Variants in TRPV1 observed in about 807,000 individuals in gnomAD.
The protein encoded by TRPV1 is OTRPC1.
In TRPV1, 82 loss-of-function variants were observed where a neutral mutation model predicts 82.3. The observed-to-expected ratio is 1.00, with a 90% CI of 0.83 to 1.20. TRPV1 has a LOEUF of 1.20. Ranked by LOEUF, TRPV1 falls within the 50% of genes most tolerant of loss-of-function variation. The pLI is 0.00. For synonymous variants in TRPV1, 515 were observed against 467.7 expected (o/e 1.10, Z -1.30); for missense variants, 1,067 against 1,096.8 (o/e 0.97, Z 0.38).
Position 3,577,777 on chromosome 17 carries a change from G to A in TRPV1, c.1548-14C>T, listed in dbSNP as rs1221093482. The stretch of plus-strand genomic sequence containing the variant: ...GACTGCAGAAAGCTGCGGGTGGAGG[G>A]GCAGAAAGCTCCGTCTACGGGAACC... On this transcript the variant is annotated splice_polypyrimidine_tract_variant and intron_variant, in intron 11 of 16. Coordinates refer to ENST00000572705, the MANE Select transcript of TRPV1 (RefSeq NM_080704.4). 5.7e-6 allele frequency: 9 copies of A among 1,583,924 alleles called. No individual in the cohort carries two copies. The South Asian group carries it at 8.1e-5, about 14-fold the overall frequency.
At chr17:3,584,786 A>T (rs1365975756) in intron 9 of TRPV1, among the ~76,000 whole-genome samples, 1 of 152,146 alleles carries the variant, frequency 6.6e-6, no homozygotes, top group East Asian at 1.9e-4. Flanking sequence ...ATAGAGCGAG[A>T]CTCCATCTCA....
intron 14 of TRPV1, among the ~76,000 whole-genome samples, chr17:3,572,876 G>A (rs1567658548): frequency 6.7e-6 from 1 of 150,212 alleles, no homozygotes; most frequent in Non-Finnish European, 1.5e-5. Flanking sequence ...CCAGCTACTA[G>A]GGAGGCTGAG....
intron 7 of TRPV1, chr17:3,588,826 A>AAAAAC: frequency 2.4e-6 from 3 of 1,275,992 alleles, no homozygotes; most frequent in Admixed American, 2.6e-5. Context: ...AAAAAAAAAA[A>AAAAAC]AAAACAAAAC....
rs574274012 is a variant in TRPV1 at position 3,581,745 on chromosome 17, C to T, written c.1477-1218G>A. ...ACTAAAAATACAAAAATTAGCCGGG[C>T]GCGGTGGCACGCACCTGTAGTCCCA... On this transcript the variant is annotated intron_variant, in intron 10 of 16. Transcript: ENST00000572705. 4.1e-5 allele frequency among the ~76,000 whole-genome samples: 6 copies of T among 145,048 alleles called. No individual in the cohort carries two copies. In the South Asian group the frequency reaches 6.8e-4, roughly 17 times the overall value.
intron 2 of TRPV1, among the ~76,000 whole-genome samples, chr17:3,604,893 C>T (rs1223795554): frequency 6.6e-6 from 1 of 152,144 alleles, no homozygotes; most frequent in Non-Finnish European, 1.5e-5. Context: ...CCTCCAAACC[C>T]CACTGTCTAC....
chr17:3,574,740 G>A (rs1371787315), intron 13 of TRPV1, among the ~76,000 whole-genome samples: 1 of 152,050 alleles, frequency 6.6e-6, no homozygotes, highest in East Asian at 1.9e-4. Context: ...CCTGAGGTCA[G>A]GAGTTTGAGA....
rs1199405347 is a variant in TRPV1, at chr17:3,565,671, C to T, written c.*1144G>A. ...AGGAAGGATGAAGAAGGCACTGCTG[C>T]AACAGCTTGATTCTGCCAGAGCTGG... On this transcript the variant is annotated 3_prime_UTR_variant, in exon 17 of 17. Transcript: ENST00000572705. 1.3e-5 allele frequency: 2 copies of T among 152,260 alleles called. No homozygotes were observed. The highest frequency in any genetic ancestry group is 2.9e-5 in the Non-Finnish European group (2 of 68,088). 9.4% of individuals were successfully genotyped at this position (152,260 alleles called of 1,614,324 possible).
At position 3,585,866 on chromosome 17, in the gene TRPV1, T is replaced by C. The variant is rs2075078656; in HGVS notation, c.1285A>G (p.Arg429Gly). ...AAGTAGAAGATGCGCTTGACGAATC[T>C]GTCCCACTTGTCCTGCAGGAGTCGG... ...LNRLLQDKWD[R>G]FVKRIFYFNF... Residue 429 changes from arginine to glycine, a missense_variant, in exon 9 of 17, where the codon AGA (arginine) becomes GGA (glycine). Arg to Gly is a moderately radical substitution (Grantham distance 125). Coordinates refer to ENST00000572705, the MANE Select transcript of TRPV1 (RefSeq NM_080704.4). The C allele has an allele frequency of 2.5e-6, 4 of 1,613,994 alleles. No individual in the cohort carries two copies. Among genetic ancestry groups the C allele is most frequent in the Non-Finnish European group, 3.4e-6 (4 of 1,179,884 alleles).
At chr17:3,588,927 C>T in intron 7 of TRPV1, 1 of 1,535,828 alleles carries the variant, frequency 6.5e-7, no homozygotes, top group Non-Finnish European at 8.7e-7. Context: ...GCTCTACCAT[C>T]TCACCATGAA....
intron 2 of TRPV1, among the ~76,000 whole-genome samples, chr17:3,607,867 A>T (rs1316230669): frequency 6.6e-6 from 1 of 152,162 alleles, no homozygotes; most frequent in Non-Finnish European, 1.5e-5. Flanking sequence ...ATACACTCTA[A>T]TAAAAGTTAT....
At chr17:3,592,037 C>G in intron 3 of TRPV1, 30 bp downstream of exon 3, 1 of 1,598,346 alleles carries the variant, frequency 6.3e-7, no homozygotes. Flanking sequence ...GGGCTCCCAG[C>G]AGGGAGGGGG....
rs1010235287 is a variant in TRPV1 at position 3,592,301 on chromosome 17, T to C, written c.50A>G (p.Gln17Arg). 1 of 1,601,772 alleles carries C rather than the reference T, an allele frequency of 6.2e-7. No individual in the cohort carries two copies. Among genetic ancestry groups the C allele is most frequent in the Non-Finnish European group, 8.5e-7 (1 of 1,174,066 alleles). The change falls in exon 3 of 17, where the codon CAA becomes CGA. Residue 17 changes from glutamine to arginine, a missense_variant. Physicochemically the swap from Gln to Arg is conservative, Grantham distance 43. Transcript: ENST00000572705. Reference sequence around the variant, plus strand: ...CAGGGGGTCTGGGCAGGTGTCCTTTTGGAGTGGGTCCGCAGCTGCCCCCAA... The same window carrying C: ...CAGGGGGTCTGGGCAGGTGTCCTTTCGGAGTGGGTCCGCAGCTGCCCCCAA... ...TDLGAAADPL[Q>R]KDTCPDPLDG...
chr17:3,589,241 C>G (rs2075123342), intron 7 of TRPV1, among the ~76,000 whole-genome samples: 1 of 141,570 alleles, frequency 7.1e-6, no homozygotes, highest in Non-Finnish European at 1.5e-5. Context: ...GAGTCTTGCT[C>G]TGTCACACAG....
At chr17:3,603,800 C>T (rs1169182069) in intron 2 of TRPV1, among the ~76,000 whole-genome samples, 5 of 152,202 alleles carry the variant, frequency 3.3e-5, no homozygotes, top group African/African-American at 1.2e-4. Context: ...TCAGGACTCT[C>T]CCACTTTCAA....
chr17:3,577,077 C>T, intron 13 of TRPV1, 49 bp downstream of exon 13: 2 of 1,548,368 alleles, frequency 1.3e-6, no homozygotes, highest in Non-Finnish European at 8.7e-7. Context: ...TCAGAAGGCT[C>T]AGCCAAGCAG....
intron 16 of TRPV1, among the ~76,000 whole-genome samples, chr17:3,567,208 A>AC (rs1459320848): frequency 6.6e-6 from 1 of 151,294 alleles, no homozygotes; most frequent in Non-Finnish European, 1.5e-5. Context: ...AAATACAAAA[A>AC]AAAAAAAAAA....
intron 3 of TRPV1, 147 bp downstream of exon 3, chr17:3,591,920 A>G (rs161386): frequency 0.61 from 737,435 of 1,216,892 alleles, 230,262 homozygotes; most frequent in Middle Eastern, 0.67. Flanking sequence ...ACGAGGTCAC[A>G]TGAGGAAGGA....
Position 3,589,927 on chromosome 17 carries a change from G to A in TRPV1, c.924C>T (p.Ser308=). 4.4e-6 allele frequency: 7 copies of A among 1,584,498 alleles called. No homozygotes were observed. Among genetic ancestry groups the A allele is most frequent in the African/African-American group, 1.3e-5 (1 of 74,124 alleles). The change falls in exon 7 of 17, where the codon AGC becomes AGT. Residue 308 remains serine (S), a synonymous_variant. Coordinates refer to ENST00000572705, the MANE Select transcript of TRPV1 (RefSeq NM_080704.4). ...CCAGCATCAGAATCTCATTGTACAT[G>A]CTCGTCACAAACTTCGTGTTGTCGG... ...NTADNTKFVT[S]MYNEILMLGA...
chr17:3,567,934 C>T (rs2074791883), intron 16 of TRPV1, among the ~76,000 whole-genome samples: 1 of 152,194 alleles, frequency 6.6e-6, no homozygotes, highest in African/African-American at 2.4e-5. Context: ...ACCGCCAACA[C>T]TGTCATGCAA....
Sources: gnomAD v4.1 joint callset for allele counts (sites outside exome capture counted in the v4.1 genomes callset) on GRCh38, gnomAD v4.1.1 for gene constraint, MANE v1.5 for transcripts, NCBI Gene and HGNC (gene_info 2026-07-23, HGNC 2026-07-21) for gene names.